DCC: variants seen among roughly 807,000 people sequenced by gnomAD.
DCC encodes netrin receptor DCC.
Under a neutral mutation model 172.5 loss-of-function variants are expected in DCC, and 58 were observed. The ratio of observed to expected loss-of-function variants is 0.34; its 90% CI spans 0.27 to 0.42. The LOEUF is 0.42. DCC is among the 10% of genes least tolerant of loss of function. DCC has a pLI of 1.00. For synonymous variants in DCC, 709 were observed against 644.5 expected (o/e 1.10, Z -1.52); for missense variants, 1,740 against 1,791.0 (o/e 0.97, Z 0.51).
chr18:53,227,201 C>A (rs2056047395), intron 12 of DCC, among the ~76,000 whole-genome samples: 1 of 151,648 alleles, frequency 6.6e-6, no homozygotes. Context: ...CCACCTCGGC[C>A]TCCCATAGTG....
intron 1 of DCC, among the ~76,000 whole-genome samples, chr18:52,456,948 TG>T (rs1988475631): frequency 6.6e-6 from 1 of 152,076 alleles, no homozygotes; most frequent in Admixed American, 6.5e-5. Context: ...TTTTCATACT[TG>T]TTTTTTTTTT....
chr18:52,664,388 G>T (rs1316233448), intron 1 of DCC, among the ~76,000 whole-genome samples: 1 of 151,588 alleles, frequency 6.6e-6, no homozygotes, highest in Non-Finnish European at 1.5e-5. Flanking sequence ...GCAAATCTGG[G>T]AAACGGCATA....
rs2040159436 is a variant in DCC, at chr18:52,923,769, G to C, written c.760G>C (p.Gly254Arg). 1 of 1,612,436 alleles carries C rather than the reference G, an allele frequency of 6.2e-7. No individual in the cohort carries two copies. Among genetic ancestry groups the C allele is most frequent in the African/African-American group, 1.3e-5 (1 of 74,956 alleles). The change falls in exon 4 of 29, where the codon GGA becomes CGA. Residue 254 changes from glycine to arginine, a missense_variant. Coordinates refer to ENST00000442544, the MANE Select transcript of DCC (RefSeq NM_005215.4). ...QRPSNVVAIE[G>R]KDAVLECCVS... ...ACCATCCAATGTAGTAGCCATTGAAGGAAAAGATGCTGTCCTGGAATGTTG... is the reference window on the plus strand; with the variant it reads ...ACCATCCAATGTAGTAGCCATTGAACGAAAAGATGCTGTCCTGGAATGTTG...
At chr18:53,215,641 A>C in intron 12 of DCC, 44 bp downstream of exon 12, 1 of 1,492,114 alleles carries the variant, frequency 6.7e-7, no homozygotes. Flanking sequence ...TATCAAGATT[A>C]CCTATCATGT....
At chr18:53,066,495 A>G (rs1407012943) in intron 7 of DCC, among the ~76,000 whole-genome samples, 1 of 148,998 alleles carries the variant, frequency 6.7e-6, no homozygotes, top group Non-Finnish European at 1.5e-5. Flanking sequence ...CTGCTTTTCA[A>G]GGCAATAACC....
At chr18:53,024,814 T>C (rs1298922785) in intron 5 of DCC, among the ~76,000 whole-genome samples, 4 of 152,174 alleles carry the variant, frequency 2.6e-5, no homozygotes, top group Non-Finnish European at 4.4e-5. Context: ...TGTTTCTTAA[T>C]AGATATAAAT....
At chr18:53,146,009 G>T (rs1170493794) in intron 7 of DCC, among the ~76,000 whole-genome samples, 1 of 152,006 alleles carries the variant, frequency 6.6e-6, no homozygotes, top group East Asian at 1.9e-4. Context: ...TGAGATGGGT[G>T]GGTCACTTGA....
chr18:53,385,581 A>G (rs1908102752), intron 15 of DCC, among the ~76,000 whole-genome samples: 1 of 152,038 alleles, frequency 6.6e-6, no homozygotes, highest in Admixed American at 6.5e-5. Flanking sequence ...GTCAGTTTTG[A>G]GTGTTTAAAT....
chr18:52,826,991 G>T (rs2038521265), intron 2 of DCC, among the ~76,000 whole-genome samples: 1 of 152,088 alleles, frequency 6.6e-6, no homozygotes, highest in South Asian at 2.1e-4. Flanking sequence ...AGCAATTTAG[G>T]GATGGTTTAG....
chr18:53,275,398 A>G (rs1303648220), intron 12 of DCC, among the ~76,000 whole-genome samples: 1 of 152,068 alleles, frequency 6.6e-6, no homozygotes, highest in Non-Finnish European at 1.5e-5. Context: ...AACTCAGTCA[A>G]ATATATGATC....
intron 7 of DCC, among the ~76,000 whole-genome samples, chr18:53,073,254 G>A (rs901294474): frequency 4.6e-5 from 7 of 152,094 alleles, no homozygotes; most frequent in Admixed American, 1.3e-4. Flanking sequence ...GGCCCGGCGC[G>A]GTGGCTCAGG....
At chr18:53,418,239 G>T (rs1268855267) in intron 21 of DCC, among the ~76,000 whole-genome samples, 1 of 152,072 alleles carries the variant, frequency 6.6e-6, no homozygotes, top group Non-Finnish European at 1.5e-5. Flanking sequence ...TAATTTAGTG[G>T]TTATAAATAA....
chr18:52,814,745 G>T (rs1311474809), intron 2 of DCC, among the ~76,000 whole-genome samples: 1 of 152,136 alleles, frequency 6.6e-6, no homozygotes, highest in African/African-American at 2.4e-5. Context: ...CTTAAACTCA[G>T]TTATGATGGG....
intron 12 of DCC, among the ~76,000 whole-genome samples, chr18:53,275,405 G>T (rs2056793715): frequency 6.6e-6 from 1 of 152,012 alleles, no homozygotes; most frequent in Admixed American, 6.6e-5. Context: ...TCAAATATAT[G>T]ATCTCCACTG....
Position 53,454,520 on chromosome 18 carries a change from C to T in DCC, c.3392+3858C>T, listed in dbSNP as rs150837918. Among the ~76,000 whole-genome samples, 270 of 152,204 alleles carry T rather than the reference C, an allele frequency of 1.8e-3. 1 individual carries two copies. Among genetic ancestry groups the T allele is most frequent in the African/African-American group, 6.0e-3 (249 of 41,524 alleles). On this transcript the variant is annotated intron_variant, in intron 23 of 28. Coordinates refer to ENST00000442544, the MANE Select transcript of DCC (RefSeq NM_005215.4). ...TTGAGCAAATCCAGGAGATCTAGAA[C>T]GCATGGTTATTACATTTCTAAGGCA...
intron 7 of DCC, among the ~76,000 whole-genome samples, chr18:53,089,221 G>A (rs2042966066): frequency 6.6e-6 from 1 of 152,054 alleles, no homozygotes; most frequent in Admixed American, 6.5e-5. Context: ...AAGCAGCTGG[G>A]ATTACAGGTG....
intron 5 of DCC, among the ~76,000 whole-genome samples, chr18:52,972,047 C>G (rs1000304033): frequency 6.6e-6 from 1 of 152,098 alleles, no homozygotes; most frequent in South Asian, 2.1e-4. Context: ...AATATGTAAC[C>G]TCTCTCAAAA....
At chr18:52,963,073 C>T (rs2145572147) in intron 5 of DCC, among the ~76,000 whole-genome samples, 1 of 151,430 alleles carries the variant, frequency 6.6e-6, no homozygotes, top group East Asian at 1.9e-4. Context: ...GCACATCGTG[C>T]ACTTGTACCC....
chr18:52,473,910 C>A (rs1251670011), intron 1 of DCC, among the ~76,000 whole-genome samples: 1 of 152,192 alleles, frequency 6.6e-6, no homozygotes, highest in South Asian at 2.1e-4. Context: ...GAAACTCCAC[C>A]AAAGCCCCTT....
Sources: allele counts gnomAD v4.1 joint callset (sites outside exome capture counted in the v4.1 genomes callset), GRCh38; gene constraint gnomAD v4.1.1; transcripts MANE v1.5; gene names NCBI Gene and HGNC (gene_info 2026-07-23, HGNC 2026-07-21).